MOGAT1: variants seen among roughly 807,000 people sequenced by gnomAD.
MOGAT1 encodes the protein 2-acylglycerol O-acyltransferase 1.
Under a neutral mutation model 31.4 loss-of-function variants are expected in MOGAT1, and 32 were observed. The observed-to-expected ratio is 1.02, with a 90% CI of 0.77 to 1.37. MOGAT1 has a LOEUF of 1.37. Ranked by LOEUF, MOGAT1 falls within the 40% of genes most tolerant of loss-of-function variation. MOGAT1 has a pLI of 0.00. For synonymous variants in MOGAT1, 145 were observed against 144.5 expected (o/e 1.00, Z -0.03); for missense variants, 426 against 402.0 (o/e 1.06, Z -0.51).
chr2:222,689,331 ATGGCAGTTGGAGCCTT>A lies in MOGAT1; in HGVS notation c.344_359del (p.Ala115GlyfsTer5). 1 of 1,614,054 alleles carries A rather than the reference ATGGCAGTTGGAGCCTT, an allele frequency of 6.2e-7. No individual in the cohort carries two copies. ...ATTTGGGTTTCACCCCCATGGAATA[ATGGCAGTTGGAGCCTT>A]TGGGAATTTTTCTGTAAATTATTCT... On this transcript the variant is annotated frameshift_variant, in exon 3 of 6. Transcript: ENST00000446656. LOFTEE classifies it high-confidence loss of function.
In MOGAT1 at chr2:222,709,798, C is replaced by T; in HGVS notation, c.916C>T (p.His306Tyr). Reference sequence around the variant, plus strand: ...GACCCAGGAGCAGATTGAGGAGTTACATCAGACCTATATGGAGGAACTTAG... The same window carrying T: ...GACCCAGGAGCAGATTGAGGAGTTATATCAGACCTATATGGAGGAACTTAG... ...NPTQEQIEELHQTYMEELRKL... is the reference protein window; with the variant it reads ...NPTQEQIEELYQTYMEELRKL... Residue 306 changes from histidine to tyrosine, a missense_variant, in exon 6 of 6, where the codon CAT becomes TAT. Physicochemically the swap from His to Tyr is moderately conservative, Grantham distance 83 (BLOSUM62 2). Transcript: ENST00000446656. 1 of 1,613,552 alleles carries T rather than the reference C, an allele frequency of 6.2e-7. No individual in the cohort carries two copies. The highest frequency in any genetic ancestry group is 8.5e-7 in the Non-Finnish European group (1 of 1,179,684).
At chr2:222,693,421 C>T (rs1692793657) in intron 3 of MOGAT1, among the ~76,000 whole-genome samples, 1 of 147,980 alleles carries the variant, frequency 6.8e-6, no homozygotes, top group Non-Finnish European at 1.5e-5. Context: ...AGAGATCTGG[C>T]AAGTGATCTA....
At chr2:222,700,546 G>A (rs7594989) in intron 5 of MOGAT1, among the ~76,000 whole-genome samples, 182 of 152,264 alleles carry the variant, frequency 1.2e-3, no homozygotes, top group African/African-American at 4.0e-3. Context: ...AAAAACTCAA[G>A]CTAAGAATAT....
intron 5 of MOGAT1, among the ~76,000 whole-genome samples, chr2:222,699,751 G>C (rs529391911): frequency 1.1e-4 from 16 of 152,144 alleles, no homozygotes; most frequent in Non-Finnish European, 2.1e-4. Context: ...GCCCATCTCA[G>C]CCTCCCAAAG....
intron 5 of MOGAT1, among the ~76,000 whole-genome samples, chr2:222,706,935 C>T (rs757880963): frequency 1.7e-4 from 26 of 152,176 alleles, no homozygotes; most frequent in East Asian, 3.9e-4. Context: ...TGGCTCACGC[C>T]GACCTAGCAC....
intron 5 of MOGAT1, among the ~76,000 whole-genome samples, chr2:222,702,293 C>T (rs1448670865): frequency 5.3e-5 from 8 of 151,974 alleles, no homozygotes; most frequent in South Asian, 4.2e-4. Flanking sequence ...CAACTATGAA[C>T]GATATTGAGG....
rs1473285457 is a variant in MOGAT1, at chr2:222,688,332, C to G, written c.95-12C>G. The stretch of plus-strand genomic sequence containing the variant: ...ACAGACTGATTCCATGAGACTTTTT[C>G]TTTTCTTACAGGGCCGATGTCCATT... On this transcript the variant is annotated splice_polypyrimidine_tract_variant and intron_variant, in intron 1 of 5. Coordinates refer to ENST00000446656, the MANE Select transcript of MOGAT1 (RefSeq NM_058165.3). 3 of 1,592,328 alleles carry G rather than the reference C, an allele frequency of 1.9e-6. No homozygotes were observed. Among genetic ancestry groups the G allele is most frequent in the African/African-American group, 1.3e-5 (1 of 74,180 alleles).
intron 5 of MOGAT1, among the ~76,000 whole-genome samples, chr2:222,703,164 G>A (rs1257541462): frequency 2.0e-5 from 3 of 152,176 alleles, no homozygotes; most frequent in Non-Finnish European, 4.4e-5. Context: ...GTTGAACAAA[G>A]AAAGGCAATT....
chr2:222,690,544 G>A (rs1169611425), intron 3 of MOGAT1, among the ~76,000 whole-genome samples: 5 of 152,056 alleles, frequency 3.3e-5, no homozygotes, highest in African/African-American at 4.8e-5. Context: ...GCGACAGAGC[G>A]ATACTCCGTC....
At chr2:222,701,598 G>GAGAAAGAAAGGGAGGGAA (rs1692930609) in intron 5 of MOGAT1, among the ~76,000 whole-genome samples, 1 of 57,754 alleles carries the variant, frequency 1.7e-5, no homozygotes, top group African/African-American at 9.7e-5. Flanking sequence ...AAGAAAGAAA[G>GAGAAAGAAAGGGAGGGAA]GGAGGGAGGG....
At chr2:222,704,889 A>C (rs1279530076) in intron 5 of MOGAT1, among the ~76,000 whole-genome samples, 4 of 152,128 alleles carry the variant, frequency 2.6e-5, no homozygotes, top group Non-Finnish European at 4.4e-5. Context: ...AGGTTATGAT[A>C]GTGTTACAGG....
intron 5 of MOGAT1, among the ~76,000 whole-genome samples, chr2:222,701,579 A>AGAAAAAGAAAGAAC (rs1692928566): frequency 8.0e-6 from 1 of 125,524 alleles, no homozygotes; most frequent in Non-Finnish European, 1.8e-5. Flanking sequence ...AAGAAAAGAA[A>AGAAAAAGAAAGAAC]GAAAAAGAAA....
chr2:222,705,961 C>G (rs1219825585), intron 5 of MOGAT1, among the ~76,000 whole-genome samples: 1 of 152,086 alleles, frequency 6.6e-6, no homozygotes, highest in East Asian at 1.9e-4. Flanking sequence ...CTGGCTTCAT[C>G]CCTAAAATGC....
At chr2:222,702,232 G>A (rs1692939657) in intron 5 of MOGAT1, among the ~76,000 whole-genome samples, 1 of 152,152 alleles carries the variant, frequency 6.6e-6, no homozygotes, top group East Asian at 1.9e-4. Flanking sequence ...CAAGAGGGAG[G>A]GGGTCCTCAG....
At chr2:222,701,382 GAGAA>G (rs1182103729) in intron 5 of MOGAT1, among the ~76,000 whole-genome samples, 203 of 140,362 alleles carry the variant, frequency 1.4e-3, no homozygotes, top group East Asian at 4.7e-3. Flanking sequence ...AGGAAGGAAA[GAGAA>G]AGAAAGAAAG....
At chr2:222,708,859 T>A (rs1693069622) in intron 5 of MOGAT1, among the ~76,000 whole-genome samples, 1 of 152,348 alleles carries the variant, frequency 6.6e-6, no homozygotes, top group East Asian at 1.9e-4. Flanking sequence ...TGTTTAAAAA[T>A]TTCTGCCTAG....
intron 3 of MOGAT1, among the ~76,000 whole-genome samples, chr2:222,693,418 T>C (rs2106039236): frequency 6.6e-6 from 1 of 151,770 alleles, no homozygotes; most frequent in Admixed American, 6.6e-5. Flanking sequence ...TGTAGAGATC[T>C]GGCAAGTGAT....
intron 2 of MOGAT1, 67 bp downstream of exon 2, chr2:222,688,589 C>A (rs190417320): frequency 1.2e-4 from 133 of 1,146,692 alleles, no homozygotes; most frequent in Non-Finnish European, 1.6e-4. Flanking sequence ...GTTTTCATCA[C>A]ATATATCTCA....
intron 1 of MOGAT1, among the ~76,000 whole-genome samples, chr2:222,675,560 A>G (rs1410657641): frequency 1.3e-5 from 2 of 150,568 alleles, no homozygotes; most frequent in South Asian, 2.1e-4. Flanking sequence ...GCTCACTGCA[A>G]GCTCCGCCTC....
Sources: gnomAD v4.1 joint callset for allele counts (sites outside exome capture counted in the v4.1 genomes callset) on GRCh38, gnomAD v4.1.1 for gene constraint, MANE v1.5 for transcripts, NCBI Gene and HGNC (gene_info 2026-07-23, HGNC 2026-07-21) for gene names.